The following PDE10A variants were observed in gnomAD, a reference collection of about 807,000 sequenced individuals.
PDE10A encodes the protein phosphodiesterase 10A, also known as cAMP and cAMP-inhibited cGMP 3',5'-cyclic phosphodiesterase 10A.
In PDE10A, 39 loss-of-function variants were observed where a neutral mutation model predicts 97.7. The ratio of observed to expected loss-of-function variants is 0.40; its 90% confidence interval spans 0.31 to 0.52. PDE10A has a LOEUF of 0.52. PDE10A is among the 20% of genes least tolerant of loss of function. The pLI is 0.56. For synonymous variants in PDE10A, 371 were observed against 376.8 expected (o/e 0.98, Z 0.18); for missense variants, 731 against 1,047.8 (o/e 0.70, Z 4.17).
intron 1 of PDE10A, among the ~76,000 whole-genome samples, chr6:165,582,352 C>T (rs1307759164): frequency 6.6e-6 from 1 of 152,098 alleles, no homozygotes; most frequent in Non-Finnish European, 1.5e-5. Context: ...AAAAACTGTA[C>T]AGTGAGAGCT....
At chr6:165,810,163 T>C (rs1779239919) in intron 1 of PDE10A, among the ~76,000 whole-genome samples, 1 of 152,046 alleles carries the variant, frequency 6.6e-6, no homozygotes, top group Non-Finnish European at 1.5e-5. Flanking sequence ...TGATCCCCCG[T>C]GAGCTGTGTG....
At chr6:165,442,810 C>A (rs948604409) in intron 5 of PDE10A, among the ~76,000 whole-genome samples, 3 of 152,056 alleles carry the variant, frequency 2.0e-5, no homozygotes, top group African/African-American at 7.2e-5. Context: ...TAATTCACTG[C>A]AGCATTAACT....
rs547337440 is a variant in PDE10A, at chr6:165,707,247, C to T, written c.-614-163679G>A. ...GCTGCTGCGGCTCCCCCAGTCCCGC[C>T]CTGGTCCCCAGGGGATGGGTGGCGG... On this transcript the variant is annotated intron_variant, in intron 1 of 19. Transcript: ENST00000366882. 6.6e-5 allele frequency among the ~76,000 whole-genome samples: 10 copies of T among 152,340 alleles called. No individual in the cohort carries two copies. In the South Asian group the frequency reaches 2.1e-3, roughly 32 times the overall value.
chr6:165,350,974 T>C (rs1030721339), intron 18 of PDE10A, among the ~76,000 whole-genome samples: 13 of 152,194 alleles, frequency 8.5e-5, no homozygotes, highest in African/African-American at 3.1e-4. Context: ...ATGTCTTTAT[T>C]AGCAGCATGA....
chr6:165,433,663 T>C (rs1287910946), intron 6 of PDE10A, among the ~76,000 whole-genome samples: 1 of 152,208 alleles, frequency 6.6e-6, no homozygotes, highest in Non-Finnish European at 1.5e-5. Flanking sequence ...TTACTTATCA[T>C]AAGAAATGAA....
intron 1 of PDE10A, among the ~76,000 whole-genome samples, chr6:165,656,629 AC>A (rs1725680683): frequency 6.6e-6 from 1 of 151,704 alleles, no homozygotes; most frequent in African/African-American, 2.4e-5. Context: ...CTGTCTTATC[AC>A]CCGGGTCCCC....
chr6:165,382,696 C>T (rs1785011152), intron 17 of PDE10A, among the ~76,000 whole-genome samples: 1 of 151,338 alleles, frequency 6.6e-6, no homozygotes, highest in South Asian at 2.1e-4. Context: ...ATTGTAAGTA[C>T]CCAATACATG....
At chr6:165,765,425 GC>G (rs1251653203) in intron 1 of PDE10A, among the ~76,000 whole-genome samples, 1 of 152,258 alleles carries the variant, frequency 6.6e-6, no homozygotes, top group Non-Finnish European at 1.5e-5. Context: ...CCCGAGACCT[GC>G]CCCGCGGGAA....
At chr6:165,613,271 C>G (rs1319453918) in intron 1 of PDE10A, among the ~76,000 whole-genome samples, 1 of 151,928 alleles carries the variant, frequency 6.6e-6, no homozygotes, top group Non-Finnish European at 1.5e-5. Context: ...ATTCAATTGA[C>G]CAAATACTTG....
chr6:165,560,178 A>T (rs952001908), intron 1 of PDE10A, among the ~76,000 whole-genome samples: 17 of 152,070 alleles, frequency 1.1e-4, no homozygotes, highest in Non-Finnish European at 4.4e-5. Flanking sequence ...AAGAGCAGAT[A>T]TTTTTTTTCT....
chr6:165,339,246 T>C (rs1239775529), intron 20 of PDE10A, 32 bp downstream of exon 20: 36 of 1,269,948 alleles, frequency 2.8e-5, no homozygotes, highest in Non-Finnish European at 3.9e-5. Context: ...TATTTGGCTT[T>C]AGCAATTACA....
At chr6:165,789,808 G>A (rs1426443775) in intron 1 of PDE10A, among the ~76,000 whole-genome samples, 1 of 101,954 alleles carries the variant, frequency 9.8e-6, no homozygotes, top group Non-Finnish European at 2.2e-5. Flanking sequence ...AGATTCTCAG[G>A]CACTTTTTTT....
At chr6:165,765,414 T>G (rs1333661167) in intron 1 of PDE10A, among the ~76,000 whole-genome samples, 4 of 152,234 alleles carry the variant, frequency 2.6e-5, no homozygotes, top group African/African-American at 4.8e-5. Context: ...CGGGCTGCAG[T>G]CCCGAGACCT....
intron 1 of PDE10A, among the ~76,000 whole-genome samples, chr6:165,578,187 C>T (rs777567802): frequency 6.6e-6 from 1 of 152,228 alleles, no homozygotes; most frequent in Non-Finnish European, 1.5e-5. Context: ...GGAAGCCCAG[C>T]ATCTCTTTTA....
At chr6:165,506,559 A>C (rs984225954) in intron 2 of PDE10A, among the ~76,000 whole-genome samples, 1 of 152,182 alleles carries the variant, frequency 6.6e-6, no homozygotes, top group Non-Finnish European at 1.5e-5. Context: ...TCCAAGTAAC[A>C]GTGCCACGTC....
At chr6:165,890,834 G>A (rs1030272569) in intron 1 of PDE10A, among the ~76,000 whole-genome samples, 1 of 152,208 alleles carries the variant, frequency 6.6e-6, no homozygotes, top group Non-Finnish European at 1.5e-5. Context: ...AGTTACAAAA[G>A]AAACAAAGGC....
intron 1 of PDE10A, among the ~76,000 whole-genome samples, chr6:165,658,500 C>T (rs746210645): frequency 1.3e-5 from 2 of 152,164 alleles, no homozygotes; most frequent in African/African-American, 4.8e-5. Context: ...GAGAGAGGTG[C>T]GGGCGTATTT....
Position 165,778,122 on chromosome 6 carries a change from T to C in PDE10A, c.-615+209407A>G, listed in dbSNP as rs181253038. Among the ~76,000 whole-genome samples, 80 of 152,326 alleles carry C rather than the reference T, an allele frequency of 5.3e-4. 3 individuals carry two copies. The highest frequency in any genetic ancestry group is 5.2e-3 in the Admixed American group (80 of 15,304). On this transcript the variant is annotated intron_variant, in intron 1 of 19. Transcript: ENST00000366882. ...CGGAGTCTCACTCTGTCACCCAGGC[T>C]GGAGTGCAGTGGCACGATCTCAGTT...
At chr6:165,568,127 T>A (rs747097862) in intron 1 of PDE10A, among the ~76,000 whole-genome samples, 3 of 150,274 alleles carry the variant, frequency 2.0e-5, no homozygotes, top group Non-Finnish European at 4.4e-5. Flanking sequence ...GCCTCCCGAG[T>A]AGCTGGGACT....
Sources: allele counts gnomAD v4.1 joint callset (sites outside exome capture counted in the v4.1 genomes callset), GRCh38; gene constraint gnomAD v4.1.1; transcripts MANE v1.5; gene names NCBI Gene and HGNC (gene_info 2026-07-23, HGNC 2026-07-21).